The following MC2R variants were observed in gnomAD, a reference collection of about 807,000 sequenced individuals.
The protein encoded by MC2R is melanocortin 2 receptor.
MC2R carries 9 observed loss-of-function variants against 9.8 expected under a neutral mutation model. The observed-to-expected ratio is 0.92, with a 90% confidence interval of 0.55 to 1.60. MC2R has a LOEUF of 1.60. Among genes scored for constraint, MC2R ranks in the 40% most tolerant of loss-of-function variants. The pLI is 0.00. For synonymous variants in MC2R, 185 were observed against 154.7 expected (o/e 1.20, Z -1.45); for missense variants, 370 against 389.0 (o/e 0.95, Z 0.41).
At chr18:13,905,111 T>C (rs1318971018) in intron 1 of MC2R, among the ~76,000 whole-genome samples, 1 of 152,234 alleles carries the variant, frequency 6.6e-6, no homozygotes, top group South Asian at 2.1e-4. Flanking sequence ...ACCTACAGAA[T>C]AGGATAAATT....
intron 1 of MC2R, among the ~76,000 whole-genome samples, chr18:13,905,823 C>T (rs1451182657): frequency 2.0e-5 from 3 of 152,016 alleles, no homozygotes; most frequent in South Asian, 2.1e-4. Context: ...TTTGGAAGGC[C>T]GAGGTGGGTG....
intron 1 of MC2R, among the ~76,000 whole-genome samples, chr18:13,892,882 A>G (rs1052602030): frequency 1.3e-5 from 2 of 151,972 alleles, no homozygotes; most frequent in Non-Finnish European, 2.9e-5. Flanking sequence ...GCTGGAATAC[A>G]GTGGTGTGGT....
At chr18:13,910,186 C>G (rs2045436786) in intron 1 of MC2R, among the ~76,000 whole-genome samples, 1 of 152,162 alleles carries the variant, frequency 6.6e-6, no homozygotes. Flanking sequence ...TACCCTTTTC[C>G]CATTGAATTG....
intron 1 of MC2R, among the ~76,000 whole-genome samples, chr18:13,896,770 G>A (rs995563121): frequency 6.6e-6 from 1 of 152,140 alleles, no homozygotes; most frequent in African/African-American, 2.4e-5. Flanking sequence ...AATCAATGAT[G>A]TTTACAAAGA....
chr18:13,888,575 G>A (rs1240912355), intron 1 of MC2R, among the ~76,000 whole-genome samples: 2 of 152,206 alleles, frequency 1.3e-5, no homozygotes, highest in Non-Finnish European at 2.9e-5. Flanking sequence ...CCTTTCACAA[G>A]TGGCAAGGGT....
rs34352644 is a variant in MC2R at position 13,892,805 on chromosome 18, TACACACACAC to T, written c.-128-7169_-128-7160del. On this transcript the variant is annotated intron_variant, in intron 1 of 1. Transcript: ENST00000327606. The stretch of plus-strand genomic sequence containing the variant: ...AGAGATGGAGATAGACATAATCTGT[TACACACACAC>T]ACACACACACACACACACACACACA... Among the ~76,000 whole-genome samples the T allele has an allele frequency of 6.6e-3, 967 of 147,038 alleles. 5 individuals are homozygous for T. Among genetic ancestry groups the T allele is most frequent in the East Asian group, 0.026 (129 of 4,956 alleles).
At chr18:13,897,150 CA>C (rs2045350192) in intron 1 of MC2R, among the ~76,000 whole-genome samples, 1 of 152,142 alleles carries the variant, frequency 6.6e-6, no homozygotes, top group African/African-American at 2.4e-5. Context: ...TTGCAGACAC[CA>C]CCCCCCCAAA....
rs1016591464 is a variant in MC2R at position 13,884,377 on chromosome 18, A to G, written c.*248T>C. Reference sequence around the variant, plus strand: ...CCTTAATTACTTTTGTACCTACCTAATACTTTGTATTCTATCCTTCTTTTA... The same window carrying G: ...CCTTAATTACTTTTGTACCTACCTAGTACTTTGTATTCTATCCTTCTTTTA... On this transcript the variant is annotated 3_prime_UTR_variant, in exon 2 of 2. Transcript: ENST00000327606. 1.1e-5 allele frequency: 6 copies of G among 568,904 alleles called. No homozygotes were observed. The highest frequency in any genetic ancestry group is 1.9e-5 in the African/African-American group (1 of 53,448). 35.2% of individuals were successfully genotyped at this position (568,904 alleles called of 1,614,324 possible). A position where few individuals can be genotyped will look rare whatever the true frequency, so the allele number is the denominator to read the frequency against.
chr18:13,910,269 T>C (rs538454626), intron 1 of MC2R, among the ~76,000 whole-genome samples: 1 of 152,352 alleles, frequency 6.6e-6, no homozygotes, highest in South Asian at 2.1e-4. Flanking sequence ...TACTGTTTCA[T>C]TGATCTATTT....
intron 1 of MC2R, among the ~76,000 whole-genome samples, chr18:13,892,753 C>A (rs548585903): frequency 6.6e-6 from 1 of 151,298 alleles, no homozygotes; most frequent in Non-Finnish European, 1.5e-5. Flanking sequence ...AGCTATTAAC[C>A]TTATTTTGAA....
At chr18:13,902,917 G>C (rs1353656538) in intron 1 of MC2R, among the ~76,000 whole-genome samples, 1 of 152,140 alleles carries the variant, frequency 6.6e-6, no homozygotes, top group African/African-American at 2.4e-5. Context: ...CATAGAATGA[G>C]AGAAAATATT....
intron 1 of MC2R, among the ~76,000 whole-genome samples, chr18:13,895,698 C>T (rs532604339): frequency 5.3e-5 from 8 of 152,244 alleles, no homozygotes; most frequent in South Asian, 2.1e-4. Context: ...GGGGAGGTGA[C>T]GTCAGACCTG....
chr18:13,884,071 A>C lies in MC2R; in HGVS notation c.*554T>G. 1 of 163,372 alleles carries C rather than the reference A, an allele frequency of 6.1e-6. No individual in the cohort carries two copies. The highest frequency in any genetic ancestry group is 2.4e-5 in the African/African-American group (1 of 41,790). The allele number at this position is 163,372 out of a possible 1,614,324, so 10.1% of individuals were successfully genotyped here. A position where few individuals can be genotyped will look rare whatever the true frequency, so the allele number is the denominator to read the frequency against. On this transcript the variant is annotated 3_prime_UTR_variant, in exon 2 of 2. Coordinates refer to ENST00000327606, the MANE Select transcript of MC2R (RefSeq NM_000529.2). Reference sequence around the variant, plus strand: ...GGTGGAGATTCCACATGGCTGTGGGAGACAGACAAATTCAGCTGCAGCAAT... The same window carrying C: ...GGTGGAGATTCCACATGGCTGTGGGCGACAGACAAATTCAGCTGCAGCAAT...
intron 1 of MC2R, among the ~76,000 whole-genome samples, chr18:13,890,942 G>C (rs898870185): frequency 6.6e-6 from 1 of 152,206 alleles, no homozygotes; most frequent in Non-Finnish European, 1.5e-5. Context: ...CTGGAGGCAG[G>C]CATGACTCCT....
At chr18:13,888,551 C>A (rs1466497654) in intron 1 of MC2R, among the ~76,000 whole-genome samples, 1 of 152,198 alleles carries the variant, frequency 6.6e-6, no homozygotes, top group African/African-American at 2.4e-5. Flanking sequence ...GCCTTGTGAC[C>A]ACCATGTCAC....
intron 1 of MC2R, among the ~76,000 whole-genome samples, chr18:13,899,301 A>T (rs759185866): frequency 6.6e-6 from 1 of 151,548 alleles, no homozygotes; most frequent in Non-Finnish European, 1.5e-5. Flanking sequence ...AGCCTATTTG[A>T]AAATACACAG....
chr18:13,897,508 G>T (rs78693313), intron 1 of MC2R, among the ~76,000 whole-genome samples: 6 of 152,038 alleles, frequency 3.9e-5, no homozygotes, highest in Admixed American at 3.9e-4. Context: ...CTTGGGGGGC[G>T]CACAACCTAC....
In MC2R at chr18:13,884,816, AG is replaced by A. The variant is rs1555619372; in HGVS notation, c.702del (p.Phe235LeufsTer7). The A allele has an allele frequency of 1.2e-6, 2 of 1,613,984 alleles. No homozygotes were observed. Among genetic ancestry groups the A allele is most frequent in the Non-Finnish European group, 1.7e-6 (2 of 1,180,008 alleles). ...LLGVFIFCWAPFVLHVLLMTF... is the reference protein window; with the variant it reads ...LLGVFIFCWAXFVLHVLLMTF... ...GTCATCAAGAGGACATGAAGCACAA[AG>A]GGGGCCCAGCAGAAGATGAAGACCC... On this transcript the variant is annotated frameshift_variant, in exon 2 of 2. Transcript: ENST00000327606. LOFTEE classifies it high-confidence loss of function.
At chr18:13,905,572 C>T (rs148899795) in intron 1 of MC2R, among the ~76,000 whole-genome samples, 333 of 151,506 alleles carry the variant, frequency 2.2e-3, no homozygotes, top group African/African-American at 7.8e-3. Context: ...GTCAGAATGG[C>T]GATTATTAAA....
Sources: allele counts gnomAD v4.1 joint callset (sites outside exome capture counted in the v4.1 genomes callset), GRCh38; gene constraint gnomAD v4.1.1; transcripts MANE v1.5; gene names NCBI Gene and HGNC (gene_info 2026-07-23, HGNC 2026-07-21).